The following GABRB2 variants were observed in gnomAD, a reference collection of about 807,000 sequenced individuals.
GABRB2 encodes the protein gamma-aminobutyric acid receptor subunit beta-2.
In GABRB2, 16 loss-of-function variants were observed where a neutral mutation model predicts 54.7. That is an observed-to-expected ratio of 0.29 (90% CI 0.20 to 0.44). The LOEUF (loss-of-function observed/expected upper bound fraction) is 0.44. Among genes scored for constraint, GABRB2 ranks in the 20% least tolerant of loss-of-function variants. The pLI, the probability that GABRB2 is intolerant of heterozygous loss-of-function variation, is 1.00. For synonymous variants in GABRB2, 244 were observed against 233.8 expected, an observed-to-expected ratio of 1.04 and a Z score of -0.40; for missense variants, 355 against 644.0, an observed-to-expected ratio of 0.55 and a Z score of 4.86.
intron 9 of GABRB2, among the ~76,000 whole-genome samples, chr5:161,319,005 T>C (rs1298451512): frequency 6.6e-6 from 1 of 151,986 alleles, no homozygotes; most frequent in Non-Finnish European, 1.5e-5. Flanking sequence ...TTCTAAGTCT[T>C]TTGCAGTTCA....
At chr5:161,470,476 T>C (rs532076409) in intron 3 of GABRB2, among the ~76,000 whole-genome samples, 18 of 152,074 alleles carry the variant, frequency 1.2e-4, no homozygotes, top group South Asian at 6.2e-4. Flanking sequence ...TGTAACAATA[T>C]GCCAGAAGCT....
intron 5 of GABRB2, among the ~76,000 whole-genome samples, chr5:161,354,933 A>G (rs1232001191): frequency 1.3e-5 from 2 of 151,908 alleles, no homozygotes; most frequent in Non-Finnish European, 1.5e-5. Flanking sequence ...GCCAAACTAT[A>G]CTGGCCCTCT....
intron 4 of GABRB2, among the ~76,000 whole-genome samples, chr5:161,433,901 C>T (rs1268543205): frequency 6.6e-6 from 1 of 151,994 alleles, no homozygotes; most frequent in Non-Finnish European, 1.5e-5. Context: ...CAATCCTTTA[C>T]AAAAAAGAGT....
chr5:161,355,368 C>T (rs1039906494), intron 5 of GABRB2, among the ~76,000 whole-genome samples: 1 of 148,202 alleles, frequency 6.7e-6, no homozygotes, highest in Non-Finnish European at 1.5e-5. Flanking sequence ...ATACATATAA[C>T]AATATATAAT....
intron 3 of GABRB2, among the ~76,000 whole-genome samples, chr5:161,485,221 C>T (rs928219375): frequency 6.6e-6 from 1 of 151,994 alleles, no homozygotes; most frequent in Non-Finnish European, 1.5e-5. Flanking sequence ...TTCCAGTATA[C>T]TGTCACAACA....
intron 5 of GABRB2, among the ~76,000 whole-genome samples, chr5:161,394,969 A>T (rs1237589950): frequency 6.6e-6 from 1 of 152,182 alleles, no homozygotes; most frequent in Non-Finnish European, 1.5e-5. Flanking sequence ...ATAATAGAAT[A>T]TCACATCTAA....
At chr5:161,389,254 C>A (rs1256896601) in intron 5 of GABRB2, among the ~76,000 whole-genome samples, 2 of 151,954 alleles carry the variant, frequency 1.3e-5, no homozygotes, top group Non-Finnish European at 2.9e-5. Context: ...TTGTAATCAT[C>A]CAGATGGTTC....
intron 5 of GABRB2, among the ~76,000 whole-genome samples, chr5:161,407,431 G>C (rs763978431): frequency 7.9e-5 from 12 of 151,934 alleles, no homozygotes; most frequent in Non-Finnish European, 1.5e-4. Flanking sequence ...TTTTTAAAGA[G>C]AGAAATCTTT....
At chr5:161,346,337 G>A (rs1322604715) in intron 5 of GABRB2, among the ~76,000 whole-genome samples, 1 of 152,052 alleles carries the variant, frequency 6.6e-6, no homozygotes, top group Admixed American at 6.6e-5. Context: ...ATGGAATAAT[G>A]TTCCCTGGCG....
intron 3 of GABRB2, among the ~76,000 whole-genome samples, chr5:161,483,531 T>C (rs1247596292): frequency 6.6e-6 from 1 of 150,770 alleles, no homozygotes. Flanking sequence ...TGAAACAGTG[T>C]TATAAAAAAG....
intron 4 of GABRB2, among the ~76,000 whole-genome samples, chr5:161,439,056 A>T (rs1011344476): frequency 5.3e-5 from 8 of 152,202 alleles, no homozygotes; most frequent in African/African-American, 1.4e-4. Context: ...AAGGTTATAG[A>T]ACACCAAGCA....
rs901842523 is a variant in GABRB2 at position 161,289,477 on chromosome 5, A to G, written c.*4604T>C. Reference sequence around the variant, plus strand: ...TACCTAAGGACAAAATACTATTATTAAAAAAAAAGTCTTCTAGTGTATATT... The same window carrying G: ...TACCTAAGGACAAAATACTATTATTGAAAAAAAAGTCTTCTAGTGTATATT... On this transcript the variant is annotated 3_prime_UTR_variant, in exon 10 of 10. Coordinates refer to ENST00000393959, the MANE Select transcript of GABRB2 (RefSeq NM_001371727.1). The G allele has an allele frequency of 2.7e-5, 4 of 149,270 alleles. No individual in the cohort carries two copies. The highest frequency in any genetic ancestry group is 9.8e-5 in the African/African-American group (4 of 40,764). 9.2% of individuals were successfully genotyped at this position (149,270 alleles called of 1,614,324 possible).
chr5:161,437,876 C>A (rs1470443657), intron 4 of GABRB2, among the ~76,000 whole-genome samples: 1 of 152,168 alleles, frequency 6.6e-6, no homozygotes, highest in Non-Finnish European at 1.5e-5. Flanking sequence ...AGCTCAGCTG[C>A]AACACAACAG....
At chr5:161,438,251 G>T (rs946928741) in intron 4 of GABRB2, among the ~76,000 whole-genome samples, 1 of 152,320 alleles carries the variant, frequency 6.6e-6, no homozygotes, top group East Asian at 1.9e-4. Context: ...ACAAGACTCT[G>T]CCTGGTAATC....
intron 5 of GABRB2, among the ~76,000 whole-genome samples, chr5:161,399,897 A>G (rs944173100): frequency 3.9e-5 from 6 of 152,156 alleles, no homozygotes; most frequent in African/African-American, 1.4e-4. Context: ...GGCACAAAGT[A>G]AGCATTAAAT....
intron 3 of GABRB2, among the ~76,000 whole-genome samples, chr5:161,480,574 G>A (rs147856795): frequency 6.6e-6 from 1 of 152,094 alleles, no homozygotes; most frequent in Non-Finnish European, 1.5e-5. Context: ...CAAAGAAAGT[G>A]TTTGGCATTG....
intron 3 of GABRB2, among the ~76,000 whole-genome samples, chr5:161,543,588 C>T (rs1760884287): frequency 6.6e-6 from 1 of 152,140 alleles, no homozygotes; most frequent in East Asian, 1.9e-4. Context: ...GAATCAATCA[C>T]GTGTAGGATG....
At chr5:161,404,824 T>C (rs1039466628) in intron 5 of GABRB2, among the ~76,000 whole-genome samples, 2 of 152,156 alleles carry the variant, frequency 1.3e-5, no homozygotes, top group African/African-American at 4.8e-5. Context: ...AACCAGGGCC[T>C]GCCTAGTTGT....
At chr5:161,374,568 C>T (rs181044715) in intron 5 of GABRB2, among the ~76,000 whole-genome samples, 115 of 152,282 alleles carry the variant, frequency 7.6e-4, no homozygotes, top group African/African-American at 2.6e-3. Context: ...TTAGCAAAAG[C>T]CTTCAAACTG....
Sources: allele counts gnomAD v4.1 joint callset (sites outside exome capture counted in the v4.1 genomes callset), GRCh38; gene constraint gnomAD v4.1.1; transcripts MANE v1.5; gene names NCBI Gene and HGNC (gene_info 2026-07-23, HGNC 2026-07-21).